Variants in NR1H4 observed in about 807,000 individuals in gnomAD.
NR1H4 encodes bile acid receptor.
NR1H4 carries 23 observed loss-of-function variants against 58.5 expected under a neutral mutation model. That is an observed-to-expected ratio of 0.39 (90% CI 0.28 to 0.56). The LOEUF (loss-of-function observed/expected upper bound fraction) is 0.56, where lower values mean the gene tolerates loss of function less well. Ranked by LOEUF, NR1H4 falls within the 20% of genes least tolerant of loss-of-function variation. The probability of loss-of-function intolerance (pLI) is 0.58; values close to 1 mark genes in which losing one functional copy is unlikely to be tolerated. For missense variants in NR1H4, 487 were observed against 576.9 expected (o/e 0.84, Z 1.60); for synonymous variants, 214 against 198.0 (o/e 1.08, Z -0.68).
intron 4 of NR1H4, among the ~76,000 whole-genome samples, chr12:100,520,676 C>G (rs892373305): frequency 2.0e-5 from 3 of 152,214 alleles, no homozygotes; most frequent in African/African-American, 7.2e-5. Context: ...GACTGGAAGC[C>G]AGAGTGCTGC....
At chr12:100,476,110 ATAGT>A (rs1176592507) in intron 1 of NR1H4, among the ~76,000 whole-genome samples, 50 of 152,308 alleles carry the variant, frequency 3.3e-4, no homozygotes, top group African/African-American at 1.2e-3. Context: ...CCACAGGCAG[ATAGT>A]TAGGAAGTAG....
At chr12:100,518,976 C>T (rs182131603) in intron 4 of NR1H4, among the ~76,000 whole-genome samples, 12 of 151,786 alleles carry the variant, frequency 7.9e-5, no homozygotes, top group Admixed American at 5.9e-4. Flanking sequence ...TTAGTAGAGA[C>T]GGGGTTTCAC....
At chr12:100,539,854 G>A (rs192625532) in intron 8 of NR1H4, among the ~76,000 whole-genome samples, 1 of 152,208 alleles carries the variant, frequency 6.6e-6, no homozygotes, top group Non-Finnish European at 1.5e-5. Context: ...GTGGTGGGGA[G>A]TGTATTTTAG....
chr12:100,519,731 T>A (rs577373370), intron 4 of NR1H4, among the ~76,000 whole-genome samples: 9 of 152,282 alleles, frequency 5.9e-5, no homozygotes, highest in African/African-American at 2.2e-4. Flanking sequence ...GTGGAGTTTC[T>A]ATAATCTCTC....
chr12:100,516,333 C>T (rs1370512637), intron 4 of NR1H4, among the ~76,000 whole-genome samples: 1 of 152,052 alleles, frequency 6.6e-6, no homozygotes, highest in Non-Finnish European at 1.5e-5. Context: ...AATATACATA[C>T]TTTTGAACCT....
intron 6 of NR1H4, 50 bp from the exon 7 acceptor site, chr12:100,536,462 A>T (rs186749473): frequency 1.9e-6 from 2 of 1,066,664 alleles, no homozygotes; most frequent in Non-Finnish European, 2.9e-6. Flanking sequence ...TATAGAAAGA[A>T]GGCTTTATAC....
At chr12:100,553,039 C>T (rs1470320563) in intron 9 of NR1H4, among the ~76,000 whole-genome samples, 1 of 152,018 alleles carries the variant, frequency 6.6e-6, no homozygotes, top group Non-Finnish European at 1.5e-5. Context: ...CGCTCTGTCA[C>T]CCAGGCTAGA....
At position 100,473,889 on chromosome 12, in the gene NR1H4, CAG is replaced by C. The variant is rs1953214691; in HGVS notation, c.-359_-358del. ...CCAGAAGGCCGCCTGTGATCATGCA[CAG>C]TACACTGGAACTCTCTCCTCCTCCT... On this transcript the variant is annotated 5_prime_UTR_variant, in exon 1 of 11. It introduces an in-frame stop codon into an upstream open reading frame of the 5' UTR. Transcript: ENST00000392986. The C allele has an allele frequency of 6.6e-6, 1 of 152,278 alleles. No individual in the cohort carries two copies. The highest frequency in any genetic ancestry group is 2.4e-5 in the African/African-American group (1 of 41,440). The allele number at this position is 152,278 out of a possible 1,614,324, so 9.4% of individuals were successfully genotyped here.
chr12:100,498,358 G>C (rs954307983), intron 3 of NR1H4, among the ~76,000 whole-genome samples: 1 of 152,184 alleles, frequency 6.6e-6, no homozygotes, highest in African/African-American at 2.4e-5. Flanking sequence ...CGTAAATAAG[G>C]CTGGGCGCGG....
At chr12:100,497,729 G>A (rs532797152) in intron 3 of NR1H4, among the ~76,000 whole-genome samples, 11 of 152,222 alleles carry the variant, frequency 7.2e-5, no homozygotes, top group African/African-American at 2.6e-4. Context: ...AATGAATAAG[G>A]CAAAGTTTTA....
chr12:100,538,053 A>C (rs1954853495), intron 8 of NR1H4, among the ~76,000 whole-genome samples: 1 of 152,158 alleles, frequency 6.6e-6, no homozygotes, highest in Admixed American at 6.6e-5. Context: ...GAACAAGAAT[A>C]GGATTATTTG....
chr12:100,533,886 C>T (rs1463463504), intron 5 of NR1H4, among the ~76,000 whole-genome samples: 1 of 148,638 alleles, frequency 6.7e-6, no homozygotes, highest in Non-Finnish European at 1.5e-5. Context: ...TTTTTAATAG[C>T]TCTCTTTTTT....
intron 10 of NR1H4, 140 bp from the exon 11 acceptor site, chr12:100,563,111 A>G: frequency 1.4e-6 from 1 of 694,238 alleles, no homozygotes; most frequent in Non-Finnish European, 2.5e-6. Context: ...ATAAAAATTC[A>G]TCAGGTTGAA....
At chr12:100,482,105 A>G (rs1249663811) in intron 1 of NR1H4, among the ~76,000 whole-genome samples, 1 of 152,010 alleles carries the variant, frequency 6.6e-6, no homozygotes. Flanking sequence ...CTGTCTCAAA[A>G]CAAACAAACA....
At chr12:100,510,710 C>T (rs558293565) in intron 3 of NR1H4, 68 bp from the exon 4 acceptor site, 50 of 1,584,360 alleles carry the variant, frequency 3.2e-5, no homozygotes, top group Middle Eastern at 1.7e-4. Context: ...CTAACCATTA[C>T]GCCAAACTGC....
chr12:100,536,945 T>C lies in NR1H4; in HGVS notation c.832-3T>C. The C allele has an allele frequency of 6.6e-7, 1 of 1,514,122 alleles. No homozygotes were observed. Among genetic ancestry groups the C allele is most frequent in the South Asian group, 1.2e-5 (1 of 82,212 alleles). The allele number at this position is 1,514,122 out of a possible 1,614,324, so 93.8% of individuals were successfully genotyped here. ...AATCATTGGTTTTTTTCTTAAAATT[T>C]AGTTAAAAGAAGAATTCAGTGCAGA... On this transcript the variant is annotated splice_region_variant and splice_polypyrimidine_tract_variant and intron_variant, in intron 7 of 10. Coordinates refer to ENST00000392986, the MANE Select transcript of NR1H4 (RefSeq NM_001206979.2).
At chr12:100,505,149 A>G (rs1334481825) in intron 3 of NR1H4, among the ~76,000 whole-genome samples, 2 of 152,248 alleles carry the variant, frequency 1.3e-5, no homozygotes, top group Non-Finnish European at 2.9e-5. Flanking sequence ...ACAGACATTC[A>G]TTAAACATTT....
intron 3 of NR1H4, among the ~76,000 whole-genome samples, chr12:100,507,743 G>C (rs149803215): frequency 6.6e-6 from 1 of 152,248 alleles, no homozygotes; most frequent in African/African-American, 2.4e-5. Flanking sequence ...GATTACAGGC[G>C]TGAGCCACTG....
At chr12:100,557,980 T>C (rs1363394281) in intron 9 of NR1H4, among the ~76,000 whole-genome samples, 1 of 152,162 alleles carries the variant, frequency 6.6e-6, no homozygotes, top group Non-Finnish European at 1.5e-5. Flanking sequence ...ACCACGATTC[T>C]CCATCCAATG....
Sources: gnomAD v4.1 joint callset for allele counts (sites outside exome capture counted in the v4.1 genomes callset) on GRCh38, gnomAD v4.1.1 for gene constraint, MANE v1.5 for transcripts, NCBI Gene and HGNC (gene_info 2026-07-23, HGNC 2026-07-21) for gene names.